The following SEC13 variants were observed in gnomAD, a reference collection of about 807,000 sequenced individuals.
SEC13 encodes the protein protein SEC13 homolog.
Under a neutral mutation model 49.2 loss-of-function variants are expected in SEC13, and 25 were observed. The ratio of observed to expected loss-of-function variants is 0.51; its 90% CI spans 0.37 to 0.71. SEC13 has a LOEUF of 0.71. Ranked by LOEUF, SEC13 falls within the 30% of genes least tolerant of loss-of-function variation. The pLI, the probability that SEC13 is intolerant of heterozygous loss-of-function variation, is 0.00. For synonymous variants in SEC13, 148 were observed against 163.9 expected (o/e 0.90, Z 0.74); for missense variants, 383 against 417.6 (o/e 0.92, Z 0.72).
chr3:10,320,772 GTT>G (rs2059762006), intron 1 of SEC13: 1 of 1,317,630 alleles, frequency 7.6e-7, no homozygotes, highest in Non-Finnish European at 9.6e-7. Context: ...GCTGTTCCTC[GTT>G]TTGTTTTCAA....
chr3:10,319,074 C>A, intron 1 of SEC13: 1 of 1,441,294 alleles, frequency 6.9e-7, no homozygotes, highest in South Asian at 1.3e-5. Flanking sequence ...CCACTCTTCT[C>A]TTAAATTCTT....
intron 1 of SEC13, chr3:10,319,339 T>C (rs2059723041): frequency 2.0e-6 from 3 of 1,535,290 alleles, no homozygotes; most frequent in Admixed American, 4.5e-5. Context: ...GTAAGGACAA[T>C]AAGGAGTTTC....
chr3:10,311,219 G>C (rs1701233410), intron 5 of SEC13, among the ~76,000 whole-genome samples: 1 of 152,090 alleles, frequency 6.6e-6, no homozygotes, highest in Non-Finnish European at 1.5e-5. Flanking sequence ...TGCTCCTCTG[G>C]TGGAATGGTA....
At chr3:10,309,362 C>T (rs998272825) in intron 5 of SEC13, among the ~76,000 whole-genome samples, 37 of 152,130 alleles carry the variant, frequency 2.4e-4, no homozygotes, top group Non-Finnish European at 4.7e-4. Flanking sequence ...TCCTGGTATT[C>T]GTATGTCTGA....
At chr3:10,311,918 G>A in intron 5 of SEC13, 47 bp downstream of exon 5, 1 of 1,614,040 alleles carries the variant, frequency 6.2e-7, no homozygotes, top group Non-Finnish European at 8.5e-7. Flanking sequence ...GCAGACACGG[G>A]GCAAGGCAGG....
At position 10,301,141 on chromosome 3, in the gene SEC13, ACTC is replaced by A. The variant is rs761453737; in HGVS notation, c.*117_*119del. On this transcript the variant is annotated 3_prime_UTR_variant, in exon 9 of 9. Coordinates refer to ENST00000350697, the MANE Select transcript of SEC13 (RefSeq NM_183352.3). ...TGATCAATCTGTGGCTGCATCTGTA[ACTC>A]CTCCTGGGAAAATAATCCTGTTGGA... 5 of 1,613,686 alleles carry A rather than the reference ACTC, an allele frequency of 3.1e-6. No homozygotes were observed. The highest frequency in any genetic ancestry group is 1.7e-6 in the Non-Finnish European group (2 of 1,179,838).
At chr3:10,307,877 GC>G (rs1390443200) in intron 5 of SEC13, among the ~76,000 whole-genome samples, 2 of 152,150 alleles carry the variant, frequency 1.3e-5, no homozygotes, top group Non-Finnish European at 2.9e-5. Flanking sequence ...CCTGGGCCCA[GC>G]CTTTTAACCC....
At chr3:10,303,772 CAT>C (rs1220919704) in intron 8 of SEC13, 8 of 525,616 alleles carry the variant, frequency 1.5e-5, no homozygotes, top group Non-Finnish European at 2.1e-5. Context: ...TCTGCCACCT[CAT>C]AGTTTTGGGA....
chr3:10,319,761 TGA>T lies in SEC13; in HGVS notation c.3+1287_3+1288del, dbSNP rs34434283. ...AGGGTTGATGAACCACACTTCTGAATGAGAGAGAGAGAGAGAGAGAGAGAGAG... is the reference window on the plus strand; with the variant it reads ...AGGGTTGATGAACCACACTTCTGAATGAGAGAGAGAGAGAGAGAGAGAGAG... On this transcript the variant is annotated intron_variant, in intron 1 of 8. Coordinates refer to ENST00000350697, the MANE Select transcript of SEC13 (RefSeq NM_183352.3). 4.2e-3 allele frequency among the ~76,000 whole-genome samples: 191 copies of T among 45,466 alleles called. 3 individuals carry two copies. Among genetic ancestry groups the T allele is most frequent in the African/African-American group, 0.015 (102 of 6,924 alleles). The allele number at this position is 45,466 out of a possible 152,430, so 29.8% of individuals were successfully genotyped here.
chr3:10,319,140 A>G lies in SEC13; in HGVS notation c.4-1046T>C, dbSNP rs2125289549. ...CAGTGTGGAACAGACATTTCTTACC[A>G]TTTTCCCCATTTCATCTTTTCCAGC... On this transcript the variant is annotated intron_variant, in intron 1 of 8. Transcript: ENST00000350697. 8 of 1,609,086 alleles carry G rather than the reference A, an allele frequency of 5.0e-6. No individual in the cohort carries two copies. In the East Asian group the frequency reaches 1.6e-4, roughly 31 times the overall value.
chr3:10,311,654 G>A (rs1288539758), intron 5 of SEC13: 1 of 1,224,334 alleles, frequency 8.2e-7, no homozygotes, highest in African/African-American at 1.5e-5. Context: ...CATTCTACAG[G>A]GTCCCAATGA....
chr3:10,311,409 G>A (rs1701244915), intron 5 of SEC13, among the ~76,000 whole-genome samples: 1 of 152,212 alleles, frequency 6.6e-6, no homozygotes, highest in Admixed American at 6.5e-5. Flanking sequence ...TGTGGCATTA[G>A]TCATATGAGC....
chr3:10,306,981 G>A (rs942400158), intron 5 of SEC13, among the ~76,000 whole-genome samples: 8 of 152,154 alleles, frequency 5.3e-5, no homozygotes, highest in African/African-American at 1.7e-4. Flanking sequence ...CTGGATAAAC[G>A]CTTGATTCTT....
intron 5 of SEC13, among the ~76,000 whole-genome samples, chr3:10,310,399 G>A (rs1701179287): frequency 6.6e-6 from 1 of 152,166 alleles, no homozygotes; most frequent in Non-Finnish European, 1.5e-5. Flanking sequence ...GCTGAGGCAT[G>A]AGAATTGCTT....
intron 8 of SEC13, chr3:10,303,716 A>C (rs1700684951): frequency 1.1e-5 from 5 of 439,444 alleles, no homozygotes; most frequent in Non-Finnish European, 2.1e-5. Context: ...ACTGAACATC[A>C]CCATGAGGTG....
chr3:10,301,671 C>G (rs1482016431), intron 8 of SEC13, among the ~76,000 whole-genome samples: 1 of 152,170 alleles, frequency 6.6e-6, no homozygotes, highest in Non-Finnish European at 1.5e-5. Context: ...GCAGGGTTCG[C>G]AAAGTGTGGT....
chr3:10,306,848 A>G (rs1259970582), intron 5 of SEC13, among the ~76,000 whole-genome samples: 2 of 152,138 alleles, frequency 1.3e-5, no homozygotes, highest in African/African-American at 4.8e-5. Context: ...CATGACTGTG[A>G]GGTTTCCCCA....
intron 8 of SEC13, 140 bp from the exon 9 acceptor site, chr3:10,301,514 T>G (rs1271936019): frequency 9.2e-7 from 1 of 1,091,262 alleles, no homozygotes; most frequent in African/African-American, 1.6e-5. Flanking sequence ...TCCACTGAAA[T>G]CTCACCAAAA....
At chr3:10,319,864 C>CGAAGGAAGGAGGAAGGGCGAGAGAGA (rs150859448) in intron 1 of SEC13, among the ~76,000 whole-genome samples, 1 of 37,868 alleles carries the variant, frequency 2.6e-5, no homozygotes, top group Admixed American at 3.1e-4. Flanking sequence ...GGAGGAAGGG[C>CGAAGGAAGGAGGAAGGGCGAGAGAGA]GGGAGAGAAA....
Sources: gnomAD v4.1 joint callset for allele counts (sites outside exome capture counted in the v4.1 genomes callset) on GRCh38, gnomAD v4.1.1 for gene constraint, MANE v1.5 for transcripts, NCBI Gene and HGNC (gene_info 2026-07-23, HGNC 2026-07-21) for gene names.